Variants in LINGO3 observed in about 807,000 individuals in gnomAD.
LINGO3 encodes leucine-rich repeat and immunoglobulin-like domain-containing nogo receptor-interacting protein 3.
For synonymous variants in LINGO3, 427 were observed against 444.2 expected, an observed-to-expected ratio of 0.96 and a Z score of 0.49; for missense variants, 750 against 867.7, an observed-to-expected ratio of 0.86 and a Z score of 1.70.
chr19:2,305,108 C>T, the LINGO3 span, among the ~76,000 whole-genome samples: 1 of 152,130 alleles, frequency 6.6e-6, no homozygotes, highest in African/African-American at 2.4e-5. Context: ...GCTGTCACAG[C>T]AGCCAGAACT....
chr19:2,291,935 C>T (rs1248288847), exon 1 of LINGO3: 7 of 659,192 alleles, frequency 1.1e-5, no homozygotes, highest in African/African-American at 9.2e-5. Context: ...TCCTGTAAAC[C>T]CAGCATTTTG....
upstream of LINGO3, among the ~76,000 whole-genome samples, chr19:2,294,349 C>T (rs751328569): frequency 6.6e-6 from 1 of 152,192 alleles, no homozygotes; most frequent in African/African-American, 2.4e-5. This position sits in a 1 kb window ranked among gnomAD's most constrained non-coding sequence, Gnocchi z 4.3. Flanking sequence ...GGACGCGCCC[C>T]GGGAGCTTCC....
exon 1 of LINGO3, chr19:2,291,505 G>A (rs2025521749): frequency 1.2e-6 from 2 of 1,610,834 alleles, no homozygotes; most frequent in African/African-American, 1.3e-5. Context: ...CTCCACGTGC[G>A]CGATGGCGTT....
chr19:2,299,120 C>A, the LINGO3 span, among the ~76,000 whole-genome samples: 2 of 152,176 alleles, frequency 1.3e-5, no homozygotes, highest in Non-Finnish European at 2.9e-5. Flanking sequence ...ACAGCTGATC[C>A]CTCGCGCCCA....
At chr19:2,295,073 A>G (rs1702714124), upstream of LINGO3, among the ~76,000 whole-genome samples, 1 of 152,208 alleles carries the variant, frequency 6.6e-6, no homozygotes, top group Admixed American at 6.5e-5. Flanking sequence ...ACGCGAATTT[A>G]ATCCCAGAGC....
At chr19:2,302,744 C>T in the LINGO3 span, among the ~76,000 whole-genome samples, 275 of 152,380 alleles carry the variant, frequency 1.8e-3, no homozygotes, top group Non-Finnish European at 3.3e-3. Flanking sequence ...CATGCACGAC[C>T]AGCCGCAGCT....
At chr19:2,295,857 T>G (rs1463463197), upstream of LINGO3, among the ~76,000 whole-genome samples, 29 of 141,186 alleles carry the variant, frequency 2.1e-4, no homozygotes, top group African/African-American at 6.7e-4. Flanking sequence ...CAGCACAGAG[T>G]GTGGTGGAAA....
At chr19:2,297,023 C>T (rs183426434), upstream of LINGO3, among the ~76,000 whole-genome samples, 620 of 151,100 alleles carry the variant, frequency 4.1e-3, 2 homozygotes, top group African/African-American at 0.014. Flanking sequence ...ACCCGGGAGG[C>T]GGAGCTTGCA....
At chr19:2,291,298 T>A (rs1274270694) in exon 1 of LINGO3, 1 of 1,612,734 alleles carries the variant, frequency 6.2e-7, no homozygotes, top group South Asian at 1.1e-5. Context: ...TACCAGGTCG[T>A]TGTCGCCCAC....
the LINGO3 span, among the ~76,000 whole-genome samples, chr19:2,297,599 G>A: frequency 2.0e-4 from 30 of 148,280 alleles, no homozygotes; most frequent in South Asian, 3.8e-3. Context: ...CACCGCACCC[G>A]GCCTTTTTTT....
chr19:2,307,194 C>T, the LINGO3 span, among the ~76,000 whole-genome samples: 1 of 152,192 alleles, frequency 6.6e-6, no homozygotes, highest in Admixed American at 6.5e-5. Flanking sequence ...TCTGCAGCCT[C>T]GCTGCGTCCA....
At chr19:2,291,552 G>T in exon 1 of LINGO3, 2 of 1,593,330 alleles carry the variant, frequency 1.3e-6, no homozygotes, top group Non-Finnish European at 1.7e-6. Flanking sequence ...CGGGCAGCGC[G>T]GCCAGGTCGC....
At chr19:2,306,461 T>C in the LINGO3 span, among the ~76,000 whole-genome samples, 30 of 152,166 alleles carry the variant, frequency 2.0e-4, no homozygotes, top group African/African-American at 7.0e-4. Context: ...ATGACAGTGC[T>C]GTGGGAAGAG....
At chr19:2,307,449 G>A in the LINGO3 span, among the ~76,000 whole-genome samples, 1 of 152,172 alleles carries the variant, frequency 6.6e-6, no homozygotes, top group African/African-American at 2.4e-5. Context: ...CCCCTGGCCA[G>A]GCCCCAGAGG....
At chr19:2,304,438 G>C in the LINGO3 span, among the ~76,000 whole-genome samples, 1 of 152,114 alleles carries the variant, frequency 6.6e-6, no homozygotes, top group Non-Finnish European at 1.5e-5. Context: ...ACCCTTACAT[G>C]GAAAAAGGGC....
chr19:2,288,763 C>G (rs1268863131), downstream of LINGO3, among the ~76,000 whole-genome samples: 1 of 152,178 alleles, frequency 6.6e-6, no homozygotes, highest in Non-Finnish European at 1.5e-5. The surrounding 1 kb of genome is among the most constrained non-coding windows in gnomAD (Gnocchi z 6.5). Flanking sequence ...GCCCCGAGGT[C>G]GGCTGGGAGA....
chr19:2,291,330 C>T (rs536076866), exon 1 of LINGO3: 28 of 1,613,144 alleles, frequency 1.7e-5, no homozygotes, highest in Non-Finnish European at 2.4e-5. Context: ...GCAGGCTGTG[C>T]AGGTCCTGGA....
the LINGO3 span, among the ~76,000 whole-genome samples, chr19:2,301,429 G>A: frequency 3.9e-5 from 6 of 152,100 alleles, no homozygotes; most frequent in Admixed American, 6.5e-5. Flanking sequence ...AGGCACAAAT[G>A]TCCCTGGACA....
At chr19:2,294,543 G>A (rs1038607149), upstream of LINGO3, among the ~76,000 whole-genome samples, 3 of 152,108 alleles carry the variant, frequency 2.0e-5, no homozygotes, top group Non-Finnish European at 2.9e-5. The surrounding 1 kb of genome is among the most constrained non-coding windows in gnomAD (Gnocchi z 4.3). Flanking sequence ...TGGGCTGGGG[G>A]AACAGCCACG....
Sources: allele counts gnomAD v4.1 joint callset (sites outside exome capture counted in the v4.1 genomes callset), GRCh38; gene constraint gnomAD v4.1.1; non-coding constraint Gnocchi (gnomAD v3.1); transcripts MANE v1.5; gene names NCBI Gene and HGNC (gene_info 2026-07-23, HGNC 2026-07-21).